HPSE2: variants seen among roughly 807,000 people sequenced by gnomAD.
HPSE2 encodes inactive heparanase-2.
A neutral mutation model predicts 60.5 loss-of-function variants in HPSE2; 38 were observed. The observed-to-expected ratio is 0.63, with a 90% CI of 0.48 to 0.82. The LOEUF is 0.82. HPSE2 is among the 40% of genes least tolerant of loss of function. The probability of loss-of-function intolerance (pLI) is 0.00; values close to 1 mark genes in which losing one functional copy is unlikely to be tolerated. For synonymous variants in HPSE2, 295 were observed against 293.2 expected (o/e 1.01, Z -0.06); for missense variants, 713 against 740.4 (o/e 0.96, Z 0.43).
At chr10:99,307,607 T>A in the HPSE2 span, among the ~76,000 whole-genome samples, 1 of 152,072 alleles carries the variant, frequency 6.6e-6, no homozygotes, top group Non-Finnish European at 1.5e-5. Flanking sequence ...AAAAGAAGAT[T>A]CTGATCCTTA....
chr10:98,842,236 T>C (rs1462960743), intron 3 of HPSE2, among the ~76,000 whole-genome samples: 1 of 152,040 alleles, frequency 6.6e-6, no homozygotes, highest in African/African-American at 2.4e-5. Context: ...CAGCAGTATA[T>C]GTTGAAGTAT....
At chr10:98,810,563 T>C (rs1170932498) in intron 3 of HPSE2, among the ~76,000 whole-genome samples, 2 of 152,066 alleles carry the variant, frequency 1.3e-5, no homozygotes, top group African/African-American at 4.8e-5. Context: ...TATACTGAAG[T>C]ATGAGCTTCA....
rs1188830575 is a variant in HPSE2 at position 98,928,703 on chromosome 10, T to C, written c.611-184647A>G. Among the ~76,000 whole-genome samples, 5 of 135,510 alleles carry C rather than the reference T, an allele frequency of 3.7e-5. 1 individual carries two copies. In the East Asian group the frequency reaches 8.4e-4, roughly 23 times the overall value. The allele number at this position is 135,510 out of a possible 152,430, so 88.9% of individuals were successfully genotyped here. On this transcript the variant is annotated intron_variant, in intron 3 of 11. Coordinates refer to ENST00000370552, the MANE Select transcript of HPSE2 (RefSeq NM_021828.5). ...GTCCTTTGTAGGGACATGGATAAAA[T>C]TGGAAATCATCATTCTCAGTAAACT...
chr10:99,153,748 C>T (rs897058726), intron 2 of HPSE2, among the ~76,000 whole-genome samples: 33 of 152,162 alleles, frequency 2.2e-4, no homozygotes, highest in Non-Finnish European at 3.4e-4. Flanking sequence ...CAAAGCTGGA[C>T]GGAGAATGAC....
In HPSE2 at chr10:99,025,318, C is replaced by A. The variant is rs539234008; in HGVS notation, c.610+118920G>T. 6.6e-5 allele frequency among the ~76,000 whole-genome samples: 10 copies of A among 152,210 alleles called. No individual in the cohort carries two copies. In the South Asian group the frequency reaches 2.1e-3, roughly 32 times the overall value. On this transcript the variant is annotated intron_variant, in intron 3 of 11. Coordinates refer to ENST00000370552, the MANE Select transcript of HPSE2 (RefSeq NM_021828.5). ...ATTCCTCAAAGAGCTAAAAGCAGAA[C>A]TATCATTCAATCCAGCAATCCCATT...
intron 6 of HPSE2, among the ~76,000 whole-genome samples, chr10:98,653,735 T>C (rs549350080): frequency 3.3e-5 from 5 of 152,240 alleles, no homozygotes; most frequent in African/African-American, 1.2e-4. Flanking sequence ...CAGTTATCTT[T>C]TAGACAAATT....
At chr10:99,047,510 GAAACTATTA>G in intron 3 of HPSE2, 1 of 412,196 alleles carries the variant, frequency 2.4e-6, no homozygotes. Flanking sequence ...CACAGCAAAA[GAAACTATTA>G]CTAAAGAGAC....
intron 2 of HPSE2, among the ~76,000 whole-genome samples, chr10:99,149,048 C>CA (rs199604452): frequency 3.5e-4 from 53 of 149,798 alleles, no homozygotes; most frequent in East Asian, 1.2e-3. Context: ...TATATTTATA[C>CA]AAAAAAAAAT....
At chr10:99,300,517 G>C in the HPSE2 span, among the ~76,000 whole-genome samples, 1 of 152,178 alleles carries the variant, frequency 6.6e-6, no homozygotes, top group South Asian at 2.1e-4. Context: ...TCACCCCCTT[G>C]GTTGTACCAT....
intron 5 of HPSE2, among the ~76,000 whole-genome samples, chr10:98,717,233 G>A (rs1173089419): frequency 2.0e-5 from 3 of 152,090 alleles, no homozygotes; most frequent in Non-Finnish European, 4.4e-5. Context: ...ATTTGGCTTA[G>A]GGAATATTGT....
chr10:98,879,231 G>T (rs1051735604), intron 3 of HPSE2, among the ~76,000 whole-genome samples: 3 of 152,076 alleles, frequency 2.0e-5, no homozygotes, highest in African/African-American at 7.2e-5. Context: ...GATAAAAGAA[G>T]CCCTGTCACA....
chr10:98,524,726 T>C (rs746980193), intron 9 of HPSE2, among the ~76,000 whole-genome samples: 4 of 152,240 alleles, frequency 2.6e-5, no homozygotes, highest in African/African-American at 4.8e-5. Context: ...GTAATGTTTC[T>C]ATGGTTTTGG....
intron 5 of HPSE2, among the ~76,000 whole-genome samples, chr10:98,696,733 G>A (rs1261486677): frequency 6.6e-6 from 1 of 152,196 alleles, no homozygotes; most frequent in East Asian, 1.9e-4. Flanking sequence ...AGCTCCTTAG[G>A]GGAGGGGCGA....
At chr10:99,304,719 G>C in the HPSE2 span, among the ~76,000 whole-genome samples, 2 of 152,312 alleles carry the variant, frequency 1.3e-5, no homozygotes, top group African/African-American at 4.8e-5. Context: ...CAAATATTTG[G>C]GGTATGTGCT....
chr10:99,263,289 C>T, the HPSE2 span, among the ~76,000 whole-genome samples: 1 of 152,186 alleles, frequency 6.6e-6, no homozygotes, highest in East Asian at 1.9e-4. Context: ...CTCTGCCCCT[C>T]TCCACTACCT....
intron 2 of HPSE2, among the ~76,000 whole-genome samples, chr10:99,180,745 C>A (rs1847728433): frequency 6.6e-6 from 1 of 151,696 alleles, no homozygotes; most frequent in Non-Finnish European, 1.5e-5. Context: ...AAAAAATTAG[C>A]CAGGCGTGGT....
chr10:98,741,843 C>G (rs77732186), intron 4 of HPSE2, among the ~76,000 whole-genome samples: 2 of 152,152 alleles, frequency 1.3e-5, no homozygotes, highest in East Asian at 3.9e-4. Flanking sequence ...CCTAATTGGT[C>G]TCTCATGGCA....
At chr10:99,252,706 C>A in the HPSE2 span, among the ~76,000 whole-genome samples, 1 of 151,952 alleles carries the variant, frequency 6.6e-6, no homozygotes, top group African/African-American at 2.4e-5. Context: ...GAAACCCCAT[C>A]TCTACTAAAA....
chr10:98,471,230 C>T (rs924423632), intron 11 of HPSE2, among the ~76,000 whole-genome samples: 3 of 152,158 alleles, frequency 2.0e-5, no homozygotes, highest in African/African-American at 7.2e-5. Context: ...TATAGTGGGA[C>T]AGTGGTTCTC....
Sources: allele counts gnomAD v4.1 joint callset (sites outside exome capture counted in the v4.1 genomes callset), GRCh38; gene constraint gnomAD v4.1.1; transcripts MANE v1.5; gene names NCBI Gene and HGNC (gene_info 2026-07-23, HGNC 2026-07-21).